Variants in AGBL4 observed in about 807,000 individuals in gnomAD.
AGBL4 encodes the protein AGBL carboxypeptidase 4.
AGBL4 carries 58 observed loss-of-function variants against 66.4 expected under a neutral mutation model. The ratio of observed to expected loss-of-function variants is 0.87; its 90% CI spans 0.71 to 1.09. The LOEUF (loss-of-function observed/expected upper bound fraction) is 1.09, where lower values mean the gene tolerates loss of function less well. Ranked by LOEUF, AGBL4 falls within the 50% of genes least tolerant of loss-of-function variation. The pLI is 0.00. For synonymous variants in AGBL4, 234 were observed against 222.9 expected (o/e 1.05, Z -0.44); for missense variants, 579 against 631.0 (o/e 0.92, Z 0.88).
intron 4 of AGBL4, among the ~76,000 whole-genome samples, chr1:49,090,393 G>A (rs1193453902): frequency 4.6e-5 from 7 of 151,894 alleles, no homozygotes; most frequent in African/African-American, 9.7e-5. Flanking sequence ...GCAAAGTTTC[G>A]GGATGCAAAA....
chr1:49,610,286 G>T (rs897448573), intron 3 of AGBL4, among the ~76,000 whole-genome samples: 2 of 152,038 alleles, frequency 1.3e-5, no homozygotes, highest in Admixed American at 1.3e-4. Flanking sequence ...TTTTTACAGA[G>T]AAGAAAACTA....
chr1:49,550,706 T>C (rs1400368407), intron 3 of AGBL4, among the ~76,000 whole-genome samples: 1 of 152,208 alleles, frequency 6.6e-6, no homozygotes, highest in African/African-American at 2.4e-5. Context: ...ATAGGTTACC[T>C]AGTGCTTCTG....
chr1:48,592,844 T>C (rs183660690), intron 9 of AGBL4, among the ~76,000 whole-genome samples: 42 of 152,282 alleles, frequency 2.8e-4, no homozygotes, highest in Non-Finnish European at 4.7e-4. Context: ...TAGCTTTTCT[T>C]TTACTTTTAA....
At chr1:49,617,369 A>T (rs978179941) in intron 3 of AGBL4, among the ~76,000 whole-genome samples, 21 of 152,220 alleles carry the variant, frequency 1.4e-4, no homozygotes, top group African/African-American at 4.8e-4. Context: ...AAAAAGTGTA[A>T]TCTCCATCCC....
intron 5 of AGBL4, among the ~76,000 whole-genome samples, chr1:48,888,689 T>TA (rs5774032): frequency 0.21 from 31,454 of 152,004 alleles, 3,520 homozygotes; most frequent in East Asian, 0.42. Flanking sequence ...TCATTATAAA[T>TA]ACCAGGGTCA....
chr1:49,464,460 T>C (rs1646582794), intron 3 of AGBL4, among the ~76,000 whole-genome samples: 1 of 151,804 alleles, frequency 6.6e-6, no homozygotes, highest in Admixed American at 6.6e-5. Flanking sequence ...TATTTTGGAA[T>C]TAAAGAAGAG....
rs370086103 is a variant in AGBL4 at position 49,688,022 on chromosome 1, C to T, written c.282+9291G>A. Among the ~76,000 whole-genome samples the T allele has an allele frequency of 3.4e-4, 51 of 152,190 alleles. 1 individual carries two copies. In the South Asian group the frequency reaches 9.5e-3, roughly 28 times the overall value. On this transcript the variant is annotated intron_variant, in intron 3 of 13. Transcript: ENST00000371839. ...TACAATTGTAATAATCACATCAGGG[C>T]AAATGGGGTATGCATCCCTCAAGCA...
intron 3 of AGBL4, among the ~76,000 whole-genome samples, chr1:49,543,541 G>T (rs1392290863): frequency 6.6e-6 from 1 of 152,130 alleles, no homozygotes; most frequent in Non-Finnish European, 1.5e-5. Context: ...ACCACATGTT[G>T]TAAGGAGCCG....
intron 3 of AGBL4, among the ~76,000 whole-genome samples, chr1:49,273,979 G>A (rs972358871): frequency 2.0e-5 from 3 of 152,168 alleles, no homozygotes; most frequent in Non-Finnish European, 2.9e-5. Flanking sequence ...ACCATGCCCA[G>A]CTGATTTTTG....
intron 7 of AGBL4, among the ~76,000 whole-genome samples, chr1:48,661,811 C>T (rs1646111947): frequency 6.6e-6 from 1 of 152,214 alleles, no homozygotes; most frequent in African/African-American, 2.4e-5. Context: ...AAAGCAGTTA[C>T]ATCCAATCAG....
chr1:48,567,077 A>G (rs1644489249), intron 11 of AGBL4, among the ~76,000 whole-genome samples: 2 of 152,186 alleles, frequency 1.3e-5, no homozygotes, highest in African/African-American at 4.8e-5. Context: ...TAATACAGCC[A>G]CTTACTGTCT....
chr1:49,331,682 G>A (rs1645337464), intron 3 of AGBL4, among the ~76,000 whole-genome samples: 1 of 151,588 alleles, frequency 6.6e-6, no homozygotes, highest in Non-Finnish European at 1.5e-5. Context: ...CGGCGGGAGA[G>A]GCAGGCTGCC....
At chr1:49,108,745 C>T (rs1349757328) in intron 4 of AGBL4, among the ~76,000 whole-genome samples, 1 of 151,990 alleles carries the variant, frequency 6.6e-6, no homozygotes, top group East Asian at 1.9e-4. Flanking sequence ...TTTTTAAAAC[C>T]CCATGTGCCA....
chr1:49,751,510 G>C (rs1651462584), intron 2 of AGBL4, among the ~76,000 whole-genome samples: 1 of 152,136 alleles, frequency 6.6e-6, no homozygotes, highest in South Asian at 2.1e-4. Flanking sequence ...TTTTCGCATA[G>C]AGATTCATCA....
At chr1:48,767,333 A>C (rs1644579634) in intron 6 of AGBL4, among the ~76,000 whole-genome samples, 1 of 152,222 alleles carries the variant, frequency 6.6e-6, no homozygotes, top group Non-Finnish European at 1.5e-5. Flanking sequence ...ATAGATGTTC[A>C]ATAAATAGCA....
chr1:48,775,793 G>T (rs1037919818), intron 6 of AGBL4, among the ~76,000 whole-genome samples: 1 of 152,214 alleles, frequency 6.6e-6, no homozygotes, highest in Non-Finnish European at 1.5e-5. Context: ...GATGAGACTA[G>T]CTGCCTTAGC....
chr1:49,923,200 A>G (rs1367756040), intron 1 of AGBL4, among the ~76,000 whole-genome samples: 3 of 152,248 alleles, frequency 2.0e-5, no homozygotes, highest in Non-Finnish European at 4.4e-5. Context: ...AAACCTGACA[A>G]AAACAAGCAA....
At chr1:49,385,597 T>G (rs954343664) in intron 3 of AGBL4, among the ~76,000 whole-genome samples, 1 of 152,128 alleles carries the variant, frequency 6.6e-6, no homozygotes, top group Non-Finnish European at 1.5e-5. Flanking sequence ...GAAGGTTGTA[T>G]ATTAAAAAGA....
At chr1:49,975,566 G>C (rs1233067388) in intron 1 of AGBL4, among the ~76,000 whole-genome samples, 2 of 152,134 alleles carry the variant, frequency 1.3e-5, no homozygotes, top group Non-Finnish European at 2.9e-5. Flanking sequence ...ACAGAGCTAA[G>C]ATCCAGACTC....
Sources: allele counts gnomAD v4.1 joint callset (sites outside exome capture counted in the v4.1 genomes callset), GRCh38; gene constraint gnomAD v4.1.1; transcripts MANE v1.5; gene names NCBI Gene and HGNC (gene_info 2026-07-23, HGNC 2026-07-21).